NRG1: variants seen among roughly 807,000 people sequenced by gnomAD.
NRG1 encodes pro-neuregulin-1, membrane-bound isoform.
Under a neutral mutation model 63.8 loss-of-function variants are expected in NRG1, and 18 were observed. The ratio of observed to expected loss-of-function variants is 0.28; its 90% confidence interval spans 0.19 to 0.42. The LOEUF is 0.42. NRG1 is among the 10% of genes least tolerant of loss of function. The pLI is 1.00. For synonymous variants in NRG1, 302 were observed against 301.3 expected, an observed-to-expected ratio of 1.00 and a Z score of -0.02; for missense variants, 762 against 814.7, an observed-to-expected ratio of 0.94 and a Z score of 0.79.
chr8:31,697,766 C>G (rs1204637459), intron 1 of NRG1, among the ~76,000 whole-genome samples: 2 of 152,196 alleles, frequency 1.3e-5, no homozygotes, highest in Non-Finnish European at 2.9e-5. Context: ...GTACCTAACT[C>G]TGTCCCTTCT....
At chr8:32,150,820 T>G (rs952374455) in intron 1 of NRG1, among the ~76,000 whole-genome samples, 1 of 152,166 alleles carries the variant, frequency 6.6e-6, no homozygotes, top group Non-Finnish European at 1.5e-5. Context: ...CCATACCCAA[T>G]AAACATACCC....
At chr8:32,633,555 G>A (rs1850727222) in intron 5 of NRG1, among the ~76,000 whole-genome samples, 1 of 152,226 alleles carries the variant, frequency 6.6e-6, no homozygotes, top group Admixed American at 6.5e-5. Flanking sequence ...ACAATAAACA[G>A]TGTTTCCTGA....
chr8:32,514,714 G>A (rs1332477307), intron 1 of NRG1, among the ~76,000 whole-genome samples: 1 of 152,118 alleles, frequency 6.6e-6, no homozygotes, highest in African/African-American at 2.4e-5. Flanking sequence ...TACTGCTGAA[G>A]CTTTGATTAG....
intron 1 of NRG1, among the ~76,000 whole-genome samples, chr8:32,477,971 A>G (rs1824738973): frequency 6.6e-6 from 1 of 152,240 alleles, no homozygotes; most frequent in Non-Finnish European, 1.5e-5. Context: ...GCCACAGTCC[A>G]TCTGTAACAG....
chr8:31,765,930 CAATGTAATTGGTTTATAGATAGTAATT>C (rs1243027683), intron 1 of NRG1, among the ~76,000 whole-genome samples: 2 of 152,086 alleles, frequency 1.3e-5, no homozygotes, highest in Non-Finnish European at 2.9e-5. Flanking sequence ...AATGCTTAGT[CAATGTAATTGGTTTATAGATAGTAATT>C]AATGTGAGAG....
exon 12 of NRG1, chr8:32,763,821 C>T (rs1486451217): frequency 6.2e-7 from 1 of 1,609,452 alleles, no homozygotes; most frequent in East Asian, 2.2e-5. Flanking sequence ...CCCCAAATCG[C>T]CCCCTTCGGA....
intron 1 of NRG1, among the ~76,000 whole-genome samples, chr8:32,256,246 T>A (rs1490195849): frequency 6.6e-6 from 1 of 152,182 alleles, no homozygotes; most frequent in Non-Finnish European, 1.5e-5. Flanking sequence ...GAGTTTGTGA[T>A]CCTTTGGAGG....
At chr8:32,424,910 A>C (rs1344297097) in intron 1 of NRG1, among the ~76,000 whole-genome samples, 1 of 152,106 alleles carries the variant, frequency 6.6e-6, no homozygotes, top group African/African-American at 2.4e-5. Flanking sequence ...AAAACAAAAA[A>C]AATTGGAGGG....
At chr8:32,311,359 T>G (rs1196266360) in intron 1 of NRG1, among the ~76,000 whole-genome samples, 2 of 152,148 alleles carry the variant, frequency 1.3e-5, no homozygotes. Context: ...TGCCTGCTGA[T>G]TTAGACTGGG....
intron 1 of NRG1, among the ~76,000 whole-genome samples, chr8:32,191,006 CA>C (rs1406045982): frequency 1.3e-5 from 2 of 152,156 alleles, no homozygotes; most frequent in Non-Finnish European, 2.9e-5. Context: ...CAGTTGGAGA[CA>C]ATACTTCTGT....
chr8:31,864,445 G>T lies in NRG1; in HGVS notation c.37+225014G>T, dbSNP rs147783482. On this transcript the variant is annotated intron_variant, in intron 1 of 10. Coordinates refer to the NRG1 transcript ENST00000519301. Reference sequence around the variant, plus strand: ...GGAGTCAGGAAGCCTTTCCTCCAAGGTGTGGTGTTTGAACTGAAATCTGAA... The same window carrying T: ...GGAGTCAGGAAGCCTTTCCTCCAAGTTGTGGTGTTTGAACTGAAATCTGAA... Among the ~76,000 whole-genome samples the T allele has an allele frequency of 2.0e-5, 3 of 152,284 alleles. No individual in the cohort carries two copies. In the East Asian group the frequency reaches 5.8e-4, roughly 29 times the overall value.
At chr8:31,813,516 C>CTTTTCTTTTCTTTTCTTTTCTTTTCT in intron 1 of NRG1, among the ~76,000 whole-genome samples, 163 of 101,192 alleles carry the variant, frequency 1.6e-3, no homozygotes, top group East Asian at 2.9e-3. Flanking sequence ...CTTTTCTTTT[C>CTTTTCTTTTCTTTTCTTTTCTTTTCT]TTTTTTTTTT....
intron 1 of NRG1, among the ~76,000 whole-genome samples, chr8:32,009,002 G>A (rs1364039487): frequency 6.6e-6 from 1 of 152,046 alleles, no homozygotes; most frequent in Non-Finnish European, 1.5e-5. Flanking sequence ...TTTTGAAGAT[G>A]TACTCACTTC....
At chr8:32,737,478 G>T (rs1825364301) in intron 6 of NRG1, among the ~76,000 whole-genome samples, 1 of 151,986 alleles carries the variant, frequency 6.6e-6, no homozygotes, top group African/African-American at 2.4e-5. Context: ...TTGAATCTGG[G>T]AGGTAGAGAT....
chr8:32,115,297 T>C (rs1832568104), intron 1 of NRG1, among the ~76,000 whole-genome samples: 1 of 152,030 alleles, frequency 6.6e-6, no homozygotes, highest in African/African-American at 2.4e-5. Flanking sequence ...TCCCCAGCTG[T>C]GTAGATAACT....
chr8:31,736,965 G>T (rs1371585685), intron 1 of NRG1, among the ~76,000 whole-genome samples: 1 of 152,152 alleles, frequency 6.6e-6, no homozygotes. Context: ...TTTAGAGCAT[G>T]TTGGACAAAT....
chr8:31,683,289 C>G (rs1808524948), intron 1 of NRG1, among the ~76,000 whole-genome samples: 1 of 151,978 alleles, frequency 6.6e-6, no homozygotes, highest in Non-Finnish European at 1.5e-5. Context: ...TGGATGCAAC[C>G]AAGATGTTCA....
chr8:31,802,212 G>C (rs956736586), intron 1 of NRG1, among the ~76,000 whole-genome samples: 1 of 152,138 alleles, frequency 6.6e-6, no homozygotes, highest in Non-Finnish European at 1.5e-5. Context: ...TATTTTTAAA[G>C]TTAATTATAT....
chr8:31,780,446 T>C (rs1819570931), intron 1 of NRG1, among the ~76,000 whole-genome samples: 1 of 152,180 alleles, frequency 6.6e-6, no homozygotes, highest in Non-Finnish European at 1.5e-5. Context: ...ATAGGTCAAA[T>C]ATGGAACAGA....
Sources: allele counts gnomAD v4.1 joint callset (sites outside exome capture counted in the v4.1 genomes callset), GRCh38; gene constraint gnomAD v4.1.1; transcripts MANE v1.5; gene names NCBI Gene and HGNC (gene_info 2026-07-23, HGNC 2026-07-21).